Variants in ABI2 observed in about 807,000 individuals in gnomAD.
ABI2 encodes abelson interactor 2.
A neutral mutation model predicts 59.2 loss-of-function variants in ABI2; 25 were observed. The observed-to-expected ratio is 0.42, with a 90% confidence interval of 0.31 to 0.59. The LOEUF (loss-of-function observed/expected upper bound fraction) is 0.59, where lower values mean the gene tolerates loss of function less well. Among genes scored for constraint, ABI2 ranks in the 20% least tolerant of loss-of-function variants. The pLI is 0.14. For synonymous variants in ABI2, 213 were observed against 235.5 expected (o/e 0.90, Z 0.87); for missense variants, 545 against 681.8 (o/e 0.80, Z 2.23).
chr2:203,390,067 C>T (rs2096681342), intron 4 of ABI2, among the ~76,000 whole-genome samples: 1 of 152,124 alleles, frequency 6.6e-6, no homozygotes, highest in African/African-American at 2.4e-5. Context: ...TGTGCTGCTC[C>T]CAGTTGAATG....
Position 203,337,734 on chromosome 2 carries a change from T to C in ABI2, c.117+9103T>C, listed in dbSNP as rs1440942466. Among the ~76,000 whole-genome samples, 10 of 152,208 alleles carry C rather than the reference T, an allele frequency of 6.6e-5. No individual in the cohort carries two copies. The East Asian group carries it at 1.9e-3, about 29-fold the overall frequency. ...TATCATACTTCCTGATTTCAAACTA[T>C]ATTACAAAGCTATAGGCCTGGCATG... is the stretch of plus-strand genomic sequence containing the variant. On this transcript the variant is annotated intron_variant, in intron 1 of 11. Transcript: ENST00000261018.
chr2:203,346,133 G>A (rs1412016657), intron 1 of ABI2, among the ~76,000 whole-genome samples: 3 of 150,916 alleles, frequency 2.0e-5, no homozygotes, highest in African/African-American at 7.3e-5. Context: ...TGGGTGACAA[G>A]AGTGAAACTC....
chr2:203,406,690 G>GT (rs1196461084), intron 9 of ABI2, among the ~76,000 whole-genome samples: 1 of 152,092 alleles, frequency 6.6e-6, no homozygotes, highest in Non-Finnish European at 1.5e-5. Flanking sequence ...TCTCCCCAAA[G>GT]TCTTGCTTTG....
At chr2:203,337,274 GAATTA>G in intron 1 of ABI2, among the ~76,000 whole-genome samples, 1 of 152,156 alleles carries the variant, frequency 6.6e-6, no homozygotes, top group Non-Finnish European at 1.5e-5. Context: ...AAGACTGTTA[GAATTA>G]ATTAACGAAT....
intron 4 of ABI2, among the ~76,000 whole-genome samples, chr2:203,389,498 A>G (rs1265843596): frequency 6.6e-6 from 1 of 152,198 alleles, no homozygotes; most frequent in Admixed American, 6.5e-5. Context: ...GTTGGTTTTG[A>G]TAGCCTCACT....
intron 1 of ABI2, among the ~76,000 whole-genome samples, chr2:203,357,014 C>T (rs1160133469): frequency 1.3e-5 from 2 of 148,926 alleles, no homozygotes; most frequent in Non-Finnish European, 3.0e-5. Context: ...ACGATTACTT[C>T]TTCAAATAAT....
chr2:203,390,654 C>T (rs766698309), intron 4 of ABI2, among the ~76,000 whole-genome samples: 4 of 151,886 alleles, frequency 2.6e-5, no homozygotes, highest in Non-Finnish European at 4.4e-5. Context: ...AGAAAGTTAT[C>T]TCTAAAAATA....
At chr2:203,340,099 G>A (rs2078996516) in intron 1 of ABI2, among the ~76,000 whole-genome samples, 1 of 152,224 alleles carries the variant, frequency 6.6e-6, no homozygotes, top group African/African-American at 2.4e-5. Context: ...GAGAACATTA[G>A]GTAAGTGAAA....
chr2:203,373,331 C>T (rs1362944887), intron 2 of ABI2, among the ~76,000 whole-genome samples: 3 of 152,236 alleles, frequency 2.0e-5, no homozygotes, highest in Non-Finnish European at 2.9e-5. Context: ...GGCGTGGCGG[C>T]GCGCGCCTGT....
At chr2:203,427,078 C>A in intron 11 of ABI2, 99 bp from the exon 12 acceptor site, 1 of 1,047,382 alleles carries the variant, frequency 9.5e-7, no homozygotes, top group Non-Finnish European at 1.4e-6. Flanking sequence ...TGTTTGAGTG[C>A]TACAGGATTT....
intron 1 of ABI2, among the ~76,000 whole-genome samples, chr2:203,360,253 T>C (rs1330650378): frequency 2.6e-5 from 4 of 151,542 alleles, no homozygotes; most frequent in African/African-American, 9.7e-5. Flanking sequence ...TAATGTGGTC[T>C]ATTTTATTTT....
At chr2:203,410,194 A>T (rs13421513) in intron 9 of ABI2, among the ~76,000 whole-genome samples, 2 of 152,300 alleles carry the variant, frequency 1.3e-5, no homozygotes, top group East Asian at 3.9e-4. Context: ...CACTACTTCC[A>T]GGGAATTGCT....
chr2:203,377,765 G>A (rs2095809480), intron 2 of ABI2, among the ~76,000 whole-genome samples: 1 of 152,170 alleles, frequency 6.6e-6, no homozygotes, highest in South Asian at 2.1e-4. Flanking sequence ...AATTAGGCCA[G>A]CATGGTGGAA....
intron 10 of ABI2, among the ~76,000 whole-genome samples, chr2:203,415,174 A>G (rs537957592): frequency 2.6e-5 from 4 of 152,318 alleles, no homozygotes; most frequent in African/African-American, 9.6e-5. Flanking sequence ...AATAAAAACT[A>G]TTAGGATGAA....
At chr2:203,367,923 G>A (rs1470738013) in intron 2 of ABI2, among the ~76,000 whole-genome samples, 1 of 151,978 alleles carries the variant, frequency 6.6e-6, no homozygotes, top group Non-Finnish European at 1.5e-5. Flanking sequence ...AGGATCATCT[G>A]AGCATGCGGA....
At chr2:203,328,912 C>T (rs1289582058) in intron 1 of ABI2, 1 of 270,822 alleles carries the variant, frequency 3.7e-6, no homozygotes, top group African/African-American at 2.2e-5. Context: ...CCCCCGCACT[C>T]CGCGCCGGTC....
intron 2 of ABI2, chr2:203,374,806 C>T (rs547762677): frequency 2.2e-6 from 1 of 455,774 alleles, no homozygotes; most frequent in South Asian, 1.6e-5. Flanking sequence ...TCCACTGTAA[C>T]TGTTTGATTG....
chr2:203,389,773 G>A (rs2096668721), intron 4 of ABI2, among the ~76,000 whole-genome samples: 1 of 152,200 alleles, frequency 6.6e-6, no homozygotes, highest in African/African-American at 2.4e-5. Flanking sequence ...GTCTCAACTT[G>A]AGACTGCATT....
At position 203,429,384 on chromosome 2, in the gene ABI2, T is replaced by A. The variant is rs974998095; in HGVS notation, c.*2032T>A. 1 of 152,248 alleles carries A rather than the reference T, an allele frequency of 6.6e-6. No homozygotes were observed. Among genetic ancestry groups the A allele is most frequent in the Non-Finnish European group, 1.5e-5 (1 of 68,048 alleles). 9.4% of individuals were successfully genotyped at this position (152,248 alleles called of 1,614,324 possible). The stretch of plus-strand genomic sequence containing the variant: ...TAGAAAAACTGTTTTAAATTAGATG[T>A]TCCCATTATTTATTTAAACAGCTTT... On this transcript the variant is annotated 3_prime_UTR_variant, in exon 12 of 12. Coordinates refer to ENST00000261018, the MANE Select transcript of ABI2 (RefSeq NM_001375670.1).
Sources: gnomAD v4.1 joint callset for allele counts (sites outside exome capture counted in the v4.1 genomes callset) on GRCh38, gnomAD v4.1.1 for gene constraint, MANE v1.5 for transcripts, NCBI Gene and HGNC (gene_info 2026-07-23, HGNC 2026-07-21) for gene names.